The following PINK1 variants were observed in gnomAD, a reference collection of about 807,000 sequenced individuals.
PINK1 encodes the protein PTEN induced kinase 1, also known as serine/threonine-protein kinase PINK1, mitochondrial.
PINK1 carries 58 observed loss-of-function variants against 56.0 expected under a neutral mutation model. The ratio of observed to expected loss-of-function variants is 1.04; its 90% CI spans 0.84 to 1.29. The LOEUF is 1.29. Ranked by LOEUF, PINK1 falls within the 50% of genes most tolerant of loss-of-function variation. The pLI, the probability that PINK1 is intolerant of heterozygous loss-of-function variation, is 0.00. For missense variants in PINK1, 745 were observed against 777.9 expected (o/e 0.96, Z 0.50); for synonymous variants, 354 against 339.3 (o/e 1.04, Z -0.48).
intron 7 of PINK1, 120 bp from the exon 8 acceptor site, chr1:20,650,314 A>G (rs2053249984): frequency 6.0e-6 from 8 of 1,332,310 alleles, no homozygotes; most frequent in Non-Finnish European, 8.4e-6. Flanking sequence ...TCAGTAGGAG[A>G]TAGGGTAGAG....
chr1:20,651,428 C>A lies in PINK1; in HGVS notation c.*737C>A, dbSNP rs185791919. The A allele has an allele frequency of 6.6e-6, 1 of 151,752 alleles. No homozygotes were observed. Among genetic ancestry groups the A allele is most frequent in the Admixed American group, 6.6e-5 (1 of 15,238 alleles). The allele number at this position is 151,752 out of a possible 1,614,324, so 9.4% of individuals were successfully genotyped here. A position where few individuals can be genotyped will look rare whatever the true frequency, so the allele number is the denominator to read the frequency against. The stretch of plus-strand genomic sequence containing the variant: ...CAACATTGGGGAAGAGATTTCATGT[C>A]TAACTAACTAACTTTATACATGATT... On this transcript the variant is annotated 3_prime_UTR_variant, in exon 8 of 8. Coordinates refer to ENST00000321556, the MANE Select transcript of PINK1 (RefSeq NM_032409.3).
intron 3 of PINK1, among the ~76,000 whole-genome samples, chr1:20,643,868 G>A (rs1238317445): frequency 6.6e-6 from 1 of 152,158 alleles, no homozygotes; most frequent in Non-Finnish European, 1.5e-5. Flanking sequence ...GTGGATGCCT[G>A]AAGCCACAGA....
At chr1:20,648,101 A>C (rs2053209684) in intron 5 of PINK1, among the ~76,000 whole-genome samples, 1 of 152,122 alleles carries the variant, frequency 6.6e-6, no homozygotes, top group African/African-American at 2.4e-5. Flanking sequence ...AGGCCACCAC[A>C]CCCGGCAATA....
At chr1:20,636,440 C>G (rs2053057975) in intron 1 of PINK1, among the ~76,000 whole-genome samples, 1 of 151,852 alleles carries the variant, frequency 6.6e-6, no homozygotes, top group African/African-American at 2.4e-5. Flanking sequence ...CTCCCAGATT[C>G]ACGCAATTCT....
chr1:20,645,562 A>T lies in PINK1; in HGVS notation c.962A>T (p.Tyr321Phe). The change falls in exon 5 of 8, where the codon TAT becomes TTT. Residue 321 changes from tyrosine (Y) to phenylalanine (F), a missense_variant and splice_region_variant. Transcript: ENST00000321556. ...AGGCCCTCTCCCCTCTCCGCCAGCT[A>T]TCCCTGTACCCTGCGCCAGTACCTT... ...GRTLFLVMKN[Y>F]PCTLRQYLCV... 6.2e-7 allele frequency: 1 copy of T among 1,612,248 alleles called. No homozygotes were observed. The highest frequency in any genetic ancestry group is 8.5e-7 in the Non-Finnish European group (1 of 1,179,840).
In PINK1 at chr1:20,645,545, TC is replaced by T; in HGVS notation, c.960-11del. 2 of 1,604,384 alleles carry T rather than the reference TC, an allele frequency of 1.2e-6. No individual in the cohort carries two copies. Among genetic ancestry groups the T allele is most frequent in the Non-Finnish European group, 1.7e-6 (2 of 1,176,518 alleles). On this transcript the variant is annotated splice_polypyrimidine_tract_variant and intron_variant, in intron 4 of 7. Transcript: ENST00000321556. Reference sequence around the variant, plus strand: ...CGATGTGTGGTAGCCAGAGGCCCTCTCCCCTCTCCGCCAGCTATCCCTGTAC... The same window carrying T: ...CGATGTGTGGTAGCCAGAGGCCCTCTCCCTCTCCGCCAGCTATCCCTGTAC...
At position 20,651,342 on chromosome 1, in the gene PINK1, A is replaced by ATATT. The variant is rs1227460025; in HGVS notation, c.*653_*656dup. On this transcript the variant is annotated 3_prime_UTR_variant, in exon 8 of 8. Transcript: ENST00000321556. The stretch of plus-strand genomic sequence containing the variant: ...AGATGACGTATGTGCCTTGAACTGA[A>ATATT]TATTTGGCTTTAAGAATGATTCTTA... 1 of 151,072 alleles carries ATATT rather than the reference A, an allele frequency of 6.6e-6. No individual in the cohort carries two copies. The highest frequency in any genetic ancestry group is 1.9e-4 in the East Asian group (1 of 5,238). The allele number at this position is 151,072 out of a possible 1,614,324, so 9.4% of individuals were successfully genotyped here.
intron 5 of PINK1, among the ~76,000 whole-genome samples, chr1:20,647,987 T>G (rs2053208413): frequency 6.6e-6 from 1 of 151,936 alleles, no homozygotes; most frequent in Non-Finnish European, 1.5e-5. Flanking sequence ...AGTTTTTTTG[T>G]ATTTTTAGTA....
intron 1 of PINK1, among the ~76,000 whole-genome samples, chr1:20,636,879 G>T (rs957023862): frequency 6.6e-6 from 1 of 152,194 alleles, no homozygotes; most frequent in African/African-American, 2.4e-5. Context: ...TCAGAGGGAG[G>T]CGTCCAAAGG....
chr1:20,648,262 T>C (rs1340736914), intron 5 of PINK1: 23 of 554,204 alleles, frequency 4.2e-5, no homozygotes, highest in Non-Finnish European at 6.5e-5. Flanking sequence ...TAGAACATGA[T>C]TTAAATTGAG....
chr1:20,639,865 A>G, intron 2 of PINK1, 27 bp from the exon 3 acceptor site: 1 of 1,599,792 alleles, frequency 6.3e-7, no homozygotes, highest in East Asian at 2.3e-5. Context: ...GGCCTGTGTA[A>G]CCCTGGGTTC....
chr1:20,634,908 T>C (rs2053041111), intron 1 of PINK1, among the ~76,000 whole-genome samples: 1 of 152,192 alleles, frequency 6.6e-6, no homozygotes, highest in South Asian at 2.1e-4. Context: ...GCTCCTGGGT[T>C]TCCTGGTTTC....
At position 20,641,967 on chromosome 1, in the gene PINK1, G is replaced by T. The variant is rs1404186023; in HGVS notation, c.776+1975G>T. 6.6e-6 allele frequency among the ~76,000 whole-genome samples: 1 copy of T among 152,096 alleles called. No individual in the cohort carries two copies. Among genetic ancestry groups the T allele is most frequent in the Non-Finnish European group, 1.5e-5 (1 of 68,002 alleles). ...CCTGAGCTCCCATGACACCTGCTGG[G>T]GCCCTGACAGCCTGGGGCTGTGATC... On this transcript the variant is annotated intron_variant, in intron 3 of 7. Transcript: ENST00000321556. This position sits in a 1 kb window ranked among gnomAD's most constrained non-coding sequence, Gnocchi z 4.0.
In PINK1 at chr1:20,649,080, T is replaced by C; in HGVS notation, c.1337T>C (p.Ile446Thr). Residue 446 changes from isoleucine (I) to threonine (T), a missense_variant, in exon 7 of 8, where the codon ATC becomes ACC. Coordinates refer to ENST00000321556, the MANE Select transcript of PINK1 (RefSeq NM_032409.3). ...GCAGTGGGAGCCATCGCCTATGAAATCTTCGGGCTTGTCAATCCCTTCTAC... is the reference window on the plus strand; with the variant it reads ...GCAGTGGGAGCCATCGCCTATGAAACCTTCGGGCTTGTCAATCCCTTCTAC... ...AWAVGAIAYEIFGLVNPFYGQ... is the reference protein window; with the variant it reads ...AWAVGAIAYETFGLVNPFYGQ... The C allele has an allele frequency of 1.2e-6, 2 of 1,614,208 alleles. No homozygotes were observed. Among genetic ancestry groups the C allele is most frequent in the Non-Finnish European group, 1.7e-6 (2 of 1,180,034 alleles).
intron 1 of PINK1, among the ~76,000 whole-genome samples, chr1:20,635,857 TAAAAAA>T (rs2053051915): frequency 1.3e-5 from 2 of 150,884 alleles, no homozygotes; most frequent in Non-Finnish European, 3.0e-5. Context: ...TCAAAAAAAA[TAAAAAA>T]TAAAAAAATA....
rs777920274 is a variant in PINK1, at chr1:20,644,589, G to C, written c.876G>C (p.Leu292=). 6.2e-7 allele frequency: 1 copy of C among 1,614,214 alleles called. No individual in the cohort carries two copies. The highest frequency in any genetic ancestry group is 1.1e-5 in the South Asian group (1 of 91,082). Residue 292 remains leucine, a synonymous_variant, in exon 4 of 8, where the codon CTG becomes CTC. Transcript: ENST00000321556. ...CCGTGCCGCTGCTGCCAGGGGCCCTGGTCGACTACCCTGATGTGCTGCCCT... is the reference window on the plus strand; with the variant it reads ...CCGTGCCGCTGCTGCCAGGGGCCCTCGTCGACTACCCTGATGTGCTGCCCT... The part of the protein sequence containing the change: ...TSSVPLLPGA[L]VDYPDVLPSR...
At chr1:20,645,768 G>A (rs2154533874) in intron 5 of PINK1, 45 bp downstream of exon 5, 1 of 1,612,820 alleles carries the variant, frequency 6.2e-7, no homozygotes. Flanking sequence ...GGCACTAGAG[G>A]GTGGGTCAGG....
At position 20,649,185 on chromosome 1, in the gene PINK1, A is replaced by T. The variant is rs376829940; in HGVS notation, c.1442A>T (p.Asp481Val). ...GCACTGCCCGAGTCAGTGCCTCCAG[A>T]CGTGAGACAGTTGGTGAGGGCACTG... ...LPALPESVPP[D>V]VRQLVRALLQ... is the part of the protein sequence containing the mutation. The change falls in exon 7 of 8, where the codon GAC (aspartate) becomes GTC (valine). Residue 481 changes from aspartate (D) to valine (V), a missense_variant. Physicochemically the swap from Asp to Val is radical, Grantham distance 152. Transcript: ENST00000321556. 67 of 1,614,020 alleles carry T rather than the reference A, an allele frequency of 4.2e-5. No individual in the cohort carries two copies. Among genetic ancestry groups the T allele is most frequent in the Non-Finnish European group, 5.4e-5 (64 of 1,180,020 alleles).
In PINK1 at chr1:20,648,557, G is replaced by C. The variant is rs777439010; in HGVS notation, c.1176G>C (p.Glu392Asp). ...IADFGCCLADESIGLQLPFSS... is the reference protein window; with the variant it reads ...IADFGCCLADDSIGLQLPFSS... ...ATTTTGGCTGCTGCCTGGCTGATGA[G>C]AGCATCGGCCTGCAGTTGCCCTTCA... Residue 392 changes from glutamate to aspartate, a missense_variant, in exon 6 of 8, where the codon GAG becomes GAC. Physicochemically the swap from Glu to Asp is conservative, Grantham distance 45. Coordinates refer to ENST00000321556, the MANE Select transcript of PINK1 (RefSeq NM_032409.3). The C allele has an allele frequency of 1.9e-6, 3 of 1,614,168 alleles. No individual in the cohort carries two copies. The highest frequency in any genetic ancestry group is 1.7e-5 in the Admixed American group (1 of 60,026).
Sources: gnomAD v4.1 joint callset for allele counts (sites outside exome capture counted in the v4.1 genomes callset) on GRCh38, gnomAD v4.1.1 for gene constraint, Gnocchi (gnomAD v3.1) non-coding constraint, MANE v1.5 for transcripts, NCBI Gene and HGNC (gene_info 2026-07-23, HGNC 2026-07-21) for gene names.